Variants in KCNIP4 observed in about 807,000 individuals in gnomAD.
KCNIP4 encodes potassium voltage-gated channel interacting protein 4.
A neutral mutation model predicts 34.0 loss-of-function variants in KCNIP4; 12 were observed. That is an observed-to-expected ratio of 0.35 (90% CI 0.23 to 0.57). The LOEUF (loss-of-function observed/expected upper bound fraction) is 0.57. KCNIP4 is among the 20% of genes least tolerant of loss of function. The probability of loss-of-function intolerance (pLI) is 0.83; values close to 1 mark genes in which losing one functional copy is unlikely to be tolerated. For missense variants in KCNIP4, 238 were observed against 311.7 expected, an observed-to-expected ratio of 0.76 and a Z score of 1.78; for synonymous variants, 124 against 102.2, an observed-to-expected ratio of 1.21 and a Z score of -1.29.
At chr4:21,155,211 TGA>T (rs1753057528) in intron 1 of KCNIP4, among the ~76,000 whole-genome samples, 1 of 152,238 alleles carries the variant, frequency 6.6e-6, no homozygotes, top group African/African-American at 2.4e-5. Flanking sequence ...ACTTCCTTTA[TGA>T]GAGAGAAATT....
intron 1 of KCNIP4, among the ~76,000 whole-genome samples, chr4:21,093,542 G>A (rs1747180849): frequency 7.3e-6 from 1 of 137,890 alleles, no homozygotes; most frequent in Non-Finnish European, 1.5e-5. Flanking sequence ...TGTAATCCCA[G>A]GGAAAGAAAT....
At chr4:21,385,580 CAT>C (rs1721955444) in intron 1 of KCNIP4, among the ~76,000 whole-genome samples, 1 of 152,124 alleles carries the variant, frequency 6.6e-6, no homozygotes, top group Non-Finnish European at 1.5e-5. Context: ...AGTGCTAAAA[CAT>C]ATAGAATGAT....
At chr4:20,962,073 A>G (rs1294952246) in intron 1 of KCNIP4, among the ~76,000 whole-genome samples, 1 of 152,096 alleles carries the variant, frequency 6.6e-6, no homozygotes, top group Non-Finnish European at 1.5e-5. Flanking sequence ...TCTGATGGGT[A>G]AATTTAGGAA....
At chr4:21,523,955 A>T (rs988111166) in intron 1 of KCNIP4, among the ~76,000 whole-genome samples, 1 of 152,116 alleles carries the variant, frequency 6.6e-6, no homozygotes, top group Non-Finnish European at 1.5e-5. Flanking sequence ...CTTCCTTAAA[A>T]CATTAATATG....
chr4:20,906,220 G>C (rs1727754976), intron 1 of KCNIP4, among the ~76,000 whole-genome samples: 1 of 151,982 alleles, frequency 6.6e-6, no homozygotes, highest in South Asian at 2.1e-4. Context: ...ACTATCAGCT[G>C]TGCCTATTGG....
chr4:21,542,543 A>G (rs1163093646), intron 1 of KCNIP4, among the ~76,000 whole-genome samples: 1 of 152,000 alleles, frequency 6.6e-6, no homozygotes, highest in Non-Finnish European at 1.5e-5. Flanking sequence ...ACCTTTATTG[A>G]TATTTATAAA....
chr4:21,190,514 G>C (rs4697212), intron 1 of KCNIP4, among the ~76,000 whole-genome samples: 45,260 of 148,110 alleles, frequency 0.31, 7,245 homozygotes, highest in South Asian at 0.39. Flanking sequence ...GGTGGGGGGG[G>C]GCACTGAGGG....
intron 1 of KCNIP4, among the ~76,000 whole-genome samples, chr4:21,401,752 C>T (rs949338862): frequency 2.0e-5 from 3 of 152,132 alleles, no homozygotes; most frequent in Non-Finnish European, 4.4e-5. Flanking sequence ...CCTATACTTA[C>T]GTTGTGAGCC....
intron 3 of KCNIP4, among the ~76,000 whole-genome samples, chr4:20,772,913 CG>C: frequency 6.6e-6 from 1 of 151,958 alleles, no homozygotes; most frequent in African/African-American, 2.4e-5. Context: ...GCATTACAGG[CG>C]TCAGCCACCA....
intron 1 of KCNIP4, among the ~76,000 whole-genome samples, chr4:21,749,593 C>T (rs896110754): frequency 6.6e-6 from 1 of 152,086 alleles, no homozygotes; most frequent in African/African-American, 2.4e-5. Flanking sequence ...ATATCCCCAC[C>T]CAATCCTGGA....
At chr4:21,255,736 G>T (rs116568844) in intron 1 of KCNIP4, among the ~76,000 whole-genome samples, 72 of 152,076 alleles carry the variant, frequency 4.7e-4, no homozygotes, top group African/African-American at 1.6e-3. Flanking sequence ...ACAGACATTT[G>T]TTGCACATCT....
intron 1 of KCNIP4, among the ~76,000 whole-genome samples, chr4:21,887,176 G>A (rs557802653): frequency 6.6e-6 from 1 of 152,154 alleles, no homozygotes; most frequent in African/African-American, 2.4e-5. Flanking sequence ...GTCAGTTTGG[G>A]GTTCTATAAC....
At chr4:21,176,387 GC>G in intron 1 of KCNIP4, among the ~76,000 whole-genome samples, 1 of 152,132 alleles carries the variant, frequency 6.6e-6, no homozygotes, top group Non-Finnish European at 1.5e-5. Flanking sequence ...AATCATGCAT[GC>G]TTAATAAATA....
chr4:21,138,022 C>A (rs1032870623), intron 1 of KCNIP4, among the ~76,000 whole-genome samples: 3 of 151,934 alleles, frequency 2.0e-5, no homozygotes, highest in Non-Finnish European at 4.4e-5. Flanking sequence ...CAGGCACATG[C>A]CATCACACTC....
chr4:21,067,403 C>A (rs933382907), intron 1 of KCNIP4, among the ~76,000 whole-genome samples: 8 of 152,184 alleles, frequency 5.3e-5, no homozygotes, highest in Admixed American at 3.3e-4. Flanking sequence ...TTTTGTCTTG[C>A]AGCTTAGGTA....
At chr4:21,242,399 C>T (rs6832734) in intron 1 of KCNIP4, among the ~76,000 whole-genome samples, 29,699 of 151,926 alleles carry the variant, frequency 0.2, 5,658 homozygotes, top group African/African-American at 0.5. Context: ...GCCTTATCAG[C>T]GGTAAGATAA....
intron 1 of KCNIP4, chr4:21,582,377 T>G (rs1741302854): frequency 6.6e-6 from 1 of 151,898 alleles, no homozygotes; most frequent in Admixed American, 6.6e-5. Context: ...TGAGGTGAGG[T>G]AAGTGGTTTA....
intron 1 of KCNIP4, among the ~76,000 whole-genome samples, chr4:21,568,554 A>C (rs1351207246): frequency 6.6e-6 from 1 of 152,130 alleles, no homozygotes; most frequent in Non-Finnish European, 1.5e-5. Context: ...CCAGCATAAA[A>C]GCAGGCATGG....
intron 1 of KCNIP4, among the ~76,000 whole-genome samples, chr4:21,243,479 T>C (rs1205867302): frequency 5.3e-5 from 8 of 152,230 alleles, no homozygotes; most frequent in Non-Finnish European, 1.0e-4. Context: ...GGCTTCCTTA[T>C]AACTGGGCTT....
Sources: allele counts gnomAD v4.1 joint callset (sites outside exome capture counted in the v4.1 genomes callset), GRCh38; gene constraint gnomAD v4.1.1; transcripts MANE v1.5; gene names NCBI Gene and HGNC (gene_info 2026-07-23, HGNC 2026-07-21).